SSH2: variants seen among roughly 807,000 people sequenced by gnomAD.
The protein encoded by SSH2 is slingshot protein phosphatase 2.
SSH2 carries 37 observed loss-of-function variants against 135.2 expected under a neutral mutation model. The ratio of observed to expected loss-of-function variants is 0.27; its 90% CI spans 0.21 to 0.36. The LOEUF is 0.36. SSH2 is among the 10% of genes least tolerant of loss of function. The probability of loss-of-function intolerance (pLI) is 1.00; values close to 1 mark genes in which losing one functional copy is unlikely to be tolerated. For synonymous variants in SSH2, 628 were observed against 646.2 expected, an observed-to-expected ratio of 0.97 and a Z score of 0.43; for missense variants, 1,408 against 1,765.3, an observed-to-expected ratio of 0.80 and a Z score of 3.63.
chr17:29,850,504 C>T (rs1222999497), intron 1 of SSH2, among the ~76,000 whole-genome samples: 13 of 152,286 alleles, frequency 8.5e-5, no homozygotes, highest in African/African-American at 2.4e-4. Context: ...TGCAAATAAA[C>T]TTAAAGAAAG....
chr17:29,636,299 G>A lies in SSH2; in HGVS notation c.1931C>T (p.Thr644Ile). 1.2e-6 allele frequency: 2 copies of A among 1,614,188 alleles called. No individual in the cohort carries two copies. The highest frequency in any genetic ancestry group is 1.7e-6 in the Non-Finnish European group (2 of 1,180,024). Residue 644 changes from threonine (T) to isoleucine (I), a missense_variant, in exon 15 of 16, where the codon ACA becomes ATA. Thr to Ile is a moderately conservative substitution (Grantham distance 89, BLOSUM62 -1). This residue lies in a region of SSH2 where 1,080 missense variants were observed against 1,144.5 expected (regional missense o/e 0.94). Coordinates refer to ENST00000540801, the MANE Select transcript of SSH2 (RefSeq NM_001282129.2). ...CATGGGGGGGTCTTTCAGTGGAGAT[G>A]TCAATTCTTCCATAGGCAGTAGGTG... ...NVHLLPMEEL[T>I]SPLKDPPMSP...
intron 1 of SSH2, among the ~76,000 whole-genome samples, chr17:29,865,520 C>T (rs1475191035): frequency 6.6e-6 from 1 of 152,076 alleles, no homozygotes; most frequent in Non-Finnish European, 1.5e-5. Context: ...AACTTCTAAC[C>T]CTAGTTTAAG....
intron 1 of SSH2, among the ~76,000 whole-genome samples, chr17:29,877,211 G>C (rs2066050192): frequency 6.6e-6 from 1 of 152,136 alleles, no homozygotes; most frequent in African/African-American, 2.4e-5. Flanking sequence ...TTATCCAAAA[G>C]ACAGACAATA....
At chr17:29,748,245 T>A (rs1432353102) in intron 3 of SSH2, among the ~76,000 whole-genome samples, 1 of 152,020 alleles carries the variant, frequency 6.6e-6, no homozygotes, top group African/African-American at 2.4e-5. Flanking sequence ...CAAGGGTGGA[T>A]AAAGCCACAG....
chr17:29,671,388 T>C (rs1473585724), intron 9 of SSH2, among the ~76,000 whole-genome samples: 2 of 152,072 alleles, frequency 1.3e-5, no homozygotes, highest in African/African-American at 2.4e-5. Flanking sequence ...CAGGCTGAAG[T>C]GAGAGGATCA....
intron 8 of SSH2, 85 bp downstream of exon 8, chr17:29,676,735 A>G: frequency 8.9e-7 from 1 of 1,122,332 alleles, no homozygotes; most frequent in Admixed American, 1.8e-5. Flanking sequence ...TTTCATAGCA[A>G]ACTGTACCAT....
intron 2 of SSH2, among the ~76,000 whole-genome samples, chr17:29,834,789 C>A (rs1399294593): frequency 6.6e-6 from 1 of 152,016 alleles, no homozygotes. Flanking sequence ...TTTTTCCATT[C>A]ATTTAATATT....
chr17:29,894,841 CAA>C (rs2066414483), intron 1 of SSH2, among the ~76,000 whole-genome samples: 1 of 151,918 alleles, frequency 6.6e-6, no homozygotes. Flanking sequence ...CACCTTCCCC[CAA>C]TTAAGTAACT....
intron 12 of SSH2, 137 bp downstream of exon 12, chr17:29,655,424 G>T: frequency 1.2e-6 from 1 of 855,450 alleles, no homozygotes; most frequent in Non-Finnish European, 2.0e-6. Flanking sequence ...ATTTTTCTTA[G>T]ATTACATCTG....
chr17:29,892,651 TA>T (rs1440619086), intron 1 of SSH2, among the ~76,000 whole-genome samples: 2 of 151,824 alleles, frequency 1.3e-5, no homozygotes, highest in Non-Finnish European at 2.9e-5. Flanking sequence ...TAAAATAAAA[TA>T]AAAAGTAGAC....
At chr17:29,818,575 T>C (rs2151338593) in intron 2 of SSH2, among the ~76,000 whole-genome samples, 1 of 152,072 alleles carries the variant, frequency 6.6e-6, no homozygotes, top group East Asian at 1.9e-4. Flanking sequence ...AATCTAGATC[T>C]GCCCCCTCCC....
At position 29,725,401 on chromosome 17, in the gene SSH2, A is replaced by T. The variant is rs1156570827; in HGVS notation, c.189-22339T>A. ...GAATCCCATTACTGGGTATATACCC[A>T]AAAGATTCTAAATCATTCTACTATA... is the stretch of plus-strand genomic sequence containing the variant. On this transcript the variant is annotated intron_variant, in intron 3 of 15. Coordinates refer to ENST00000540801, the MANE Select transcript of SSH2 (RefSeq NM_001282129.2). Among the ~76,000 whole-genome samples, 3 of 150,786 alleles carry T rather than the reference A, an allele frequency of 2.0e-5. No homozygotes were observed. The East Asian group carries it at 5.8e-4, about 29-fold the overall frequency.
In SSH2 at chr17:29,628,313, C is replaced by T. The variant is rs1322410107; in HGVS notation, c.*2528G>A. The T allele has an allele frequency of 3.3e-5, 5 of 152,158 alleles. No individual in the cohort carries two copies. The highest frequency in any genetic ancestry group is 5.9e-5 in the Non-Finnish European group (4 of 68,030). 9.4% of individuals were successfully genotyped at this position (152,158 alleles called of 1,614,324 possible). A position where few individuals can be genotyped will look rare whatever the true frequency, so the allele number is the denominator to read the frequency against. The stretch of plus-strand genomic sequence containing the variant: ...AAAAAGGCAGAAAGACTTTCCTCTG[C>T]TCTTGAAAATTTTTTTTCCCCACAG... On this transcript the variant is annotated 3_prime_UTR_variant, in exon 16 of 16. Coordinates refer to ENST00000540801, the MANE Select transcript of SSH2 (RefSeq NM_001282129.2).
chr17:29,915,498 C>T (rs1798601660), intron 1 of SSH2, among the ~76,000 whole-genome samples: 1 of 152,148 alleles, frequency 6.6e-6, no homozygotes, highest in Non-Finnish European at 1.5e-5. Context: ...GATTTATAGT[C>T]TCAATCACTA....
intron 1 of SSH2, among the ~76,000 whole-genome samples, chr17:29,862,243 C>T (rs1182669045): frequency 6.6e-6 from 1 of 152,178 alleles, no homozygotes; most frequent in Non-Finnish European, 1.5e-5. Context: ...GTTCCTTGTG[C>T]ACACATTTTC....
chr17:29,692,537 C>G (rs2038532106), intron 5 of SSH2, among the ~76,000 whole-genome samples: 1 of 152,238 alleles, frequency 6.6e-6, no homozygotes, highest in Non-Finnish European at 1.5e-5. Context: ...ATTGCCAGCT[C>G]TGCCTTTGTA....
At chr17:29,754,215 T>A (rs1469323163) in intron 3 of SSH2, among the ~76,000 whole-genome samples, 1 of 152,170 alleles carries the variant, frequency 6.6e-6, no homozygotes, top group Non-Finnish European at 1.5e-5. Context: ...TCCAGCCACA[T>A]CCTAGACTTA....
At chr17:29,681,154 T>C (rs1043791425) in intron 6 of SSH2, among the ~76,000 whole-genome samples, 1 of 151,400 alleles carries the variant, frequency 6.6e-6, no homozygotes, top group Non-Finnish European at 1.5e-5. Flanking sequence ...CTGGTCAACA[T>C]GGTGAAACCC....
intron 1 of SSH2, among the ~76,000 whole-genome samples, chr17:29,860,240 C>T (rs1054010931): frequency 1.3e-5 from 2 of 152,136 alleles, no homozygotes; most frequent in African/African-American, 4.8e-5. Flanking sequence ...ATAAGCATTC[C>T]ATTTTCTCCA....
Sources: allele counts gnomAD v4.1 joint callset (sites outside exome capture counted in the v4.1 genomes callset), GRCh38; gene constraint gnomAD v4.1.1; regional missense constraint gnomAD v4.1.1; transcripts MANE v1.5; gene names NCBI Gene and HGNC (gene_info 2026-07-23, HGNC 2026-07-21).